Variants in JMJD1C observed in about 807,000 individuals in gnomAD.
JMJD1C encodes jumonji domain-containing protein 1C.
JMJD1C carries 31 observed loss-of-function variants against 245.3 expected under a neutral mutation model. The ratio of observed to expected loss-of-function variants is 0.13; its 90% CI spans 0.09 to 0.17. The LOEUF is 0.17. Among genes scored for constraint, JMJD1C ranks in the 10% least tolerant of loss-of-function variants. The pLI is 1.00. For missense variants in JMJD1C, 2,691 were observed against 3,000.2 expected (o/e 0.90, Z 2.41); for synonymous variants, 1,057 against 1,017.4 (o/e 1.04, Z -0.74).
intron 24 of JMJD1C, among the ~76,000 whole-genome samples, chr10:63,172,328 A>T (rs905623339): frequency 3.9e-5 from 6 of 152,252 alleles, no homozygotes; most frequent in African/African-American, 1.2e-4. Context: ...TAGCCAGAGA[A>T]AGCACATATA....
intron 1 of JMJD1C, among the ~76,000 whole-genome samples, chr10:63,433,128 G>A (rs1265111937): frequency 6.8e-6 from 1 of 147,542 alleles, no homozygotes; most frequent in African/African-American, 2.6e-5. Flanking sequence ...TTTTGCTCTT[G>A]TTGCCCAGGC....
chr10:63,396,521 G>A (rs149320216), intron 1 of JMJD1C, among the ~76,000 whole-genome samples: 100 of 152,260 alleles, frequency 6.6e-4, no homozygotes, highest in African/African-American at 2.2e-3. Flanking sequence ...TTAAAGACAT[G>A]TGGTGTGCAC....
intron 2 of JMJD1C, among the ~76,000 whole-genome samples, chr10:63,286,485 CCTTTT>C (rs1564736030): frequency 6.6e-6 from 1 of 152,174 alleles, no homozygotes; most frequent in African/African-American, 2.4e-5. Flanking sequence ...AGAACTTAGA[CCTTTT>C]CTTAACAGAT....
At chr10:63,456,019 T>C (rs749324389) in intron 1 of JMJD1C, among the ~76,000 whole-genome samples, 1 of 152,134 alleles carries the variant, frequency 6.6e-6, no homozygotes, top group Non-Finnish European at 1.5e-5. Context: ...TTAATAATTA[T>C]TTCTATTATA....
At chr10:63,180,039 G>A (rs761935380) in intron 22 of JMJD1C, among the ~76,000 whole-genome samples, 8 of 151,754 alleles carry the variant, frequency 5.3e-5, no homozygotes, top group East Asian at 3.9e-4. Flanking sequence ...TCACTCTGTC[G>A]CCCAGGCTGA....
chr10:63,395,903 TGTTCAGAGTTGAGAAA>T (rs1332439643), intron 1 of JMJD1C, among the ~76,000 whole-genome samples: 12 of 152,058 alleles, frequency 7.9e-5, no homozygotes, highest in African/African-American at 2.9e-4. Context: ...GAAAATCTAA[TGTTCAGAGTTGAGAAA>T]AAAAGACAGA....
At position 63,332,581 on chromosome 10, in the gene JMJD1C, G is replaced by A. The variant is rs576641374; in HGVS notation, c.333+47737C>T. The stretch of plus-strand genomic sequence containing the variant: ...GTAATAGCTCTGTAACTTACCAATT[G>A]TGTGAGTTTAGGCCTCATTTAACCT... On this transcript the variant is annotated intron_variant, in intron 2 of 25. Coordinates refer to ENST00000399262, the MANE Select transcript of JMJD1C (RefSeq NM_032776.3). 1.1e-4 allele frequency among the ~76,000 whole-genome samples: 17 copies of A among 152,302 alleles called. No homozygotes were observed. The East Asian group carries it at 3.3e-3, about 29-fold the overall frequency.
intron 3 of JMJD1C, among the ~76,000 whole-genome samples, chr10:63,238,844 A>T (rs1446469846): frequency 6.6e-6 from 1 of 152,246 alleles, no homozygotes; most frequent in East Asian, 1.9e-4. Context: ...AAGATTTTGA[A>T]CACCTGGTAT....
At chr10:63,380,220 A>C (rs763478353) in intron 2 of JMJD1C, 98 bp downstream of exon 2, 2 of 1,172,240 alleles carry the variant, frequency 1.7e-6, no homozygotes, top group East Asian at 2.4e-5. Context: ...CTAGTTTTAC[A>C]GGTGTCAGTC....
chr10:63,182,262 A>C (rs1843582324), intron 22 of JMJD1C, among the ~76,000 whole-genome samples: 1 of 152,232 alleles, frequency 6.6e-6, no homozygotes. Flanking sequence ...CAACTCCATA[A>C]GGTGTCAGAA....
intron 1 of JMJD1C, among the ~76,000 whole-genome samples, chr10:63,424,449 T>C (rs1325927946): frequency 1.3e-5 from 2 of 150,996 alleles, no homozygotes; most frequent in Non-Finnish European, 3.0e-5. Context: ...TGTTTTAAAG[T>C]GGCTTGCTCA....
chr10:63,225,354 G>T lies in JMJD1C; in HGVS notation c.448-5371C>A, dbSNP rs548666226. Among the ~76,000 whole-genome samples the T allele has an allele frequency of 4.6e-5, 7 of 152,154 alleles. No individual in the cohort carries two copies. The East Asian group carries it at 1.4e-3, about 29-fold the overall frequency. On this transcript the variant is annotated intron_variant, in intron 3 of 25. Coordinates refer to ENST00000399262, the MANE Select transcript of JMJD1C (RefSeq NM_032776.3). ...TTATTAGAAATGTATACAGAACACA[G>T]AAAAAGTTCAAAAAACATCTTAAAT...
intron 3 of JMJD1C, among the ~76,000 whole-genome samples, chr10:63,247,918 C>A (rs1564677987): frequency 2.0e-5 from 3 of 151,912 alleles, no homozygotes; most frequent in Non-Finnish European, 4.4e-5. Context: ...GCCAGTATTA[C>A]CCAGACACAA....
At chr10:63,256,851 G>A (rs1238459076) in intron 3 of JMJD1C, among the ~76,000 whole-genome samples, 1 of 152,140 alleles carries the variant, frequency 6.6e-6, no homozygotes, top group African/African-American at 2.4e-5. Flanking sequence ...AAGGCAAAGT[G>A]AAATGGAAAA....
At chr10:63,396,955 G>T (rs1356093167) in intron 1 of JMJD1C, among the ~76,000 whole-genome samples, 2 of 148,080 alleles carry the variant, frequency 1.4e-5, no homozygotes, top group African/African-American at 5.0e-5. Flanking sequence ...TTGAGACAGG[G>T]TCTCACTCTC....
intron 1 of JMJD1C, among the ~76,000 whole-genome samples, chr10:63,388,208 AAGAC>A (rs1947781633): frequency 6.6e-6 from 1 of 152,290 alleles, no homozygotes; most frequent in African/African-American, 2.4e-5. Flanking sequence ...CACTAAGTCA[AAGAC>A]AGAGAATTCT....
At chr10:63,323,862 T>A (rs539981009) in intron 2 of JMJD1C, among the ~76,000 whole-genome samples, 1 of 152,118 alleles carries the variant, frequency 6.6e-6, no homozygotes, top group African/African-American at 2.4e-5. Context: ...GCTCATTATC[T>A]CATATGATTA....
At chr10:63,456,227 G>C (rs1283994516) in intron 1 of JMJD1C, among the ~76,000 whole-genome samples, 1 of 151,924 alleles carries the variant, frequency 6.6e-6, no homozygotes, top group African/African-American at 2.4e-5. Flanking sequence ...ATGTTCTAGC[G>C]AACAGTGGAA....
intron 2 of JMJD1C, among the ~76,000 whole-genome samples, chr10:63,326,642 G>C (rs889597890): frequency 2.6e-5 from 4 of 152,084 alleles, no homozygotes; most frequent in African/African-American, 9.7e-5. Flanking sequence ...CACTTTGGGA[G>C]GCCGAGGCAG....
Sources: gnomAD v4.1 joint callset for allele counts (sites outside exome capture counted in the v4.1 genomes callset) on GRCh38, gnomAD v4.1.1 for gene constraint, MANE v1.5 for transcripts, NCBI Gene and HGNC (gene_info 2026-07-23, HGNC 2026-07-21) for gene names.